The following CBLN4 variants were observed in gnomAD, a reference collection of about 807,000 sequenced individuals.
The protein encoded by CBLN4 is cerebellin 4 precursor.
Under a neutral mutation model 14.9 loss-of-function variants are expected in CBLN4, and 7 were observed. That is an observed-to-expected ratio of 0.47 (90% CI 0.27 to 0.88). The LOEUF (loss-of-function observed/expected upper bound fraction) is 0.88. CBLN4 is among the 40% of genes least tolerant of loss of function. CBLN4 has a pLI of 0.14. For synonymous variants in CBLN4, 131 were observed against 116.5 expected, an observed-to-expected ratio of 1.12 and a Z score of -0.80; for missense variants, 188 against 256.8, an observed-to-expected ratio of 0.73 and a Z score of 1.83.
At position 55,998,662 on chromosome 20, in the gene CBLN4, G is replaced by A; in HGVS notation, c.501C>T (p.Leu167=). The A allele has an allele frequency of 1.2e-6, 2 of 1,614,168 alleles. No individual in the cohort carries two copies. Among genetic ancestry groups the A allele is most frequent in the South Asian group, 1.1e-5 (1 of 91,078 alleles). The change falls in exon 3 of 3, where the codon CTC becomes CTT. Residue 167 remains leucine (L), a synonymous_variant. Transcript: ENST00000064571. ...TREAATNGVL[L]YLDKEDKVYL... is the part of the protein sequence containing the mutation. ...AAACCTTATCCTCTTTATCTAGGTA[G>A]AGCAGGACACCATTCGTGGCAGCTT... is the stretch of plus-strand genomic sequence containing the variant.
intron 1 of CBLN4, among the ~76,000 whole-genome samples, chr20:56,002,194 T>G (rs1477575881): frequency 6.6e-6 from 1 of 152,222 alleles, no homozygotes; most frequent in Non-Finnish European, 1.5e-5. Flanking sequence ...AGATTTCGCC[T>G]TCTTCCAAGT....
Position 56,001,561 on chromosome 20 carries a change from G to A in CBLN4, c.292-714C>T, listed in dbSNP as rs561666433. Among the ~76,000 whole-genome samples the A allele has an allele frequency of 1.3e-4, 20 of 152,072 alleles. No individual in the cohort carries two copies. The South Asian group carries it at 3.5e-3, about 27-fold the overall frequency. Reference sequence around the variant, plus strand: ...GCCTTAATTATAATAATGTGGCAATGAGTCAGCCCTTGTGGGCTGCCAAAG... The same window carrying A: ...GCCTTAATTATAATAATGTGGCAATAAGTCAGCCCTTGTGGGCTGCCAAAG... On this transcript the variant is annotated intron_variant, in intron 1 of 2. Transcript: ENST00000064571.
chr20:56,001,570 C>T (rs1384355616), intron 1 of CBLN4, among the ~76,000 whole-genome samples: 1 of 152,120 alleles, frequency 6.6e-6, no homozygotes, highest in Non-Finnish European at 1.5e-5. Flanking sequence ...TGAGTCAGCC[C>T]TTGTGGGCTG....
In CBLN4 at chr20:56,004,001, G is replaced by C; in HGVS notation, c.171C>G (p.Ser57=). The change falls in exon 1 of 3, where the codon TCC becomes TCG. Residue 57 remains serine, a synonymous_variant. Transcript: ENST00000064571. The surrounding 1 kb of genome is among the most constrained non-coding windows in gnomAD (Gnocchi z 6.1). ...CCCGGACCGATATCCCCAGCGGGGAGGAAGAGGAGCCCTTGGAGTCCGTGG... is the reference window on the plus strand; with the variant it reads ...CCCGGACCGATATCCCCAGCGGGGACGAAGAGGAGCCCTTGGAGTCCGTGG... The part of the protein sequence containing the change: ...NPATDSKGSS[S]SPLGISVRAA... 4 of 1,614,098 alleles carry C rather than the reference G, an allele frequency of 2.5e-6. No individual in the cohort carries two copies. Among genetic ancestry groups the C allele is most frequent in the Non-Finnish European group, 3.4e-6 (4 of 1,180,014 alleles).
In CBLN4 at chr20:56,004,210, T is replaced by C. The variant is rs1008361939; in HGVS notation, c.-39A>G. ...GGCAGCCGCAGCCGGCTGGCGCTGGTGCTCGCCCGCGTCGCCTCCTACCCC... is the reference window on the plus strand; with the variant it reads ...GGCAGCCGCAGCCGGCTGGCGCTGGCGCTCGCCCGCGTCGCCTCCTACCCC... On this transcript the variant is annotated 5_prime_UTR_variant, in exon 1 of 3. Coordinates refer to ENST00000064571, the MANE Select transcript of CBLN4 (RefSeq NM_080617.6). This position sits in a 1 kb window ranked among gnomAD's most constrained non-coding sequence, Gnocchi z 6.1. 7.3e-7 allele frequency: 1 copy of C among 1,375,960 alleles called. No homozygotes were observed. The highest frequency in any genetic ancestry group is 3.0e-5 in the East Asian group (1 of 33,832). The allele number at this position is 1,375,960 out of a possible 1,614,324, so 85.2% of individuals were successfully genotyped here.
chr20:56,001,246 T>A (rs368256578), intron 1 of CBLN4, among the ~76,000 whole-genome samples: 3 of 152,190 alleles, frequency 2.0e-5, no homozygotes, highest in African/African-American at 7.2e-5. Context: ...AGCTTTACCT[T>A]GAGAGTTGGA....
Position 56,004,682 on chromosome 20 carries a change from G to C in CBLN4, c.-511C>G, listed in dbSNP as rs1049006070. ...TGGCTTGCGGCAGGGACGAGTTACA[G>C]AGGCAGAAGGTCCTTCCCAGGCTGA... On this transcript the variant is annotated 5_prime_UTR_variant, in exon 1 of 3. Transcript: ENST00000064571. The surrounding 1 kb of genome is among the most constrained non-coding windows in gnomAD (Gnocchi z 6.1). 1 of 153,406 alleles carries C rather than the reference G, an allele frequency of 6.5e-6. No homozygotes were observed. Among genetic ancestry groups the C allele is most frequent in the African/African-American group, 2.4e-5 (1 of 41,522 alleles). The allele number at this position is 153,406 out of a possible 1,614,324, so 9.5% of individuals were successfully genotyped here.
intron 2 of CBLN4, among the ~76,000 whole-genome samples, chr20:56,000,087 T>C (rs900150482): frequency 6.6e-6 from 1 of 152,242 alleles, no homozygotes; most frequent in Admixed American, 6.5e-5. Context: ...TGGAATATTG[T>C]TGGAACAAGC....
intron 1 of CBLN4, among the ~76,000 whole-genome samples, chr20:56,001,559 A>G (rs949396083): frequency 6.6e-6 from 1 of 152,168 alleles, no homozygotes; most frequent in Non-Finnish European, 1.5e-5. Flanking sequence ...TAATGTGGCA[A>G]TGAGTCAGCC....
Position 55,998,496 on chromosome 20 carries a change from T to C in CBLN4, c.*61A>G. 6.4e-7 allele frequency: 1 copy of C among 1,573,454 alleles called. No individual in the cohort carries two copies. The highest frequency in any genetic ancestry group is 8.7e-7 in the Non-Finnish European group (1 of 1,148,764). On this transcript the variant is annotated 3_prime_UTR_variant, in exon 3 of 3. Coordinates refer to ENST00000064571, the MANE Select transcript of CBLN4 (RefSeq NM_080617.6). ...TCAATCCAATGATGAAAAAATGATC[T>C]TCCAATAACTCAGGAGTGGGTCATC... is the stretch of plus-strand genomic sequence containing the variant.
rs1008361939 is a variant in CBLN4, at chr20:56,004,210, T to A, written c.-39A>T. 1 of 1,375,846 alleles carries A rather than the reference T, an allele frequency of 7.3e-7. No homozygotes were observed. Among genetic ancestry groups the A allele is most frequent in the Non-Finnish European group, 9.3e-7 (1 of 1,072,298 alleles). 85.2% of individuals were successfully genotyped at this position (1,375,846 alleles called of 1,614,324 possible). A position where few individuals can be genotyped will look rare whatever the true frequency, so the allele number is the denominator to read the frequency against. On this transcript the variant is annotated 5_prime_UTR_variant, in exon 1 of 3. Coordinates refer to ENST00000064571, the MANE Select transcript of CBLN4 (RefSeq NM_080617.6). This position sits in a 1 kb window ranked among gnomAD's most constrained non-coding sequence, Gnocchi z 6.1. ...GGCAGCCGCAGCCGGCTGGCGCTGG[T>A]GCTCGCCCGCGTCGCCTCCTACCCC...
In CBLN4 at chr20:56,000,800, T is replaced by C. The variant is rs756917572; in HGVS notation, c.339A>G (p.Val113=). The C allele has an allele frequency of 1.9e-6, 3 of 1,599,180 alleles. No individual in the cohort carries two copies. The change falls in exon 2 of 3, where the codon GTA becomes GTG. Residue 113 remains valine (V), a synonymous_variant. Transcript: ENST00000064571. ...AACTGTAAATTCCTTTTCTTGGTGC[T>C]ACAAAGACAGACTCCAATGTGAAAA... ...GNFFTLESVF[V]APRKGIYSFS...
Position 56,004,388 on chromosome 20 carries a change from A to G in CBLN4, c.-217T>C. On this transcript the variant is annotated 5_prime_UTR_variant, in exon 1 of 3. Coordinates refer to ENST00000064571, the MANE Select transcript of CBLN4 (RefSeq NM_080617.6). The surrounding 1 kb of genome is among the most constrained non-coding windows in gnomAD (Gnocchi z 6.1). ...GCTGGCTCTGTTACCTTTGTCCTTTAAGGAGCTCATGCAGCACCCTTTACC... is the reference window on the plus strand; with the variant it reads ...GCTGGCTCTGTTACCTTTGTCCTTTGAGGAGCTCATGCAGCACCCTTTACC... 2.0e-6 allele frequency: 1 copy of G among 499,630 alleles called. No individual in the cohort carries two copies. The allele number at this position is 499,630 out of a possible 1,614,324, so 30.9% of individuals were successfully genotyped here.
chr20:56,004,002 G>A lies in CBLN4; in HGVS notation c.170C>T (p.Ser57Phe). The A allele has an allele frequency of 6.2e-7, 1 of 1,614,096 alleles. No homozygotes were observed. The highest frequency in any genetic ancestry group is 8.5e-7 in the Non-Finnish European group (1 of 1,180,010). ...CCGGACCGATATCCCCAGCGGGGAG[G>A]AAGAGGAGCCCTTGGAGTCCGTGGC... ...NPATDSKGSS[S>F]SPLGISVRAA... Residue 57 changes from serine (S) to phenylalanine (F), a missense_variant, in exon 1 of 3, where the codon TCC (serine) becomes TTC (phenylalanine). This residue lies in a region of CBLN4 where 95 missense variants were observed against 99.2 expected (regional missense o/e 0.96). Transcript: ENST00000064571. The surrounding 1 kb of genome is among the most constrained non-coding windows in gnomAD (Gnocchi z 6.1).
Position 55,998,658 on chromosome 20 carries a change from G to A in CBLN4, c.505C>T (p.Leu169=). ...AGGTAAACCTTATCCTCTTTATCTA[G>A]GTAGAGCAGGACACCATTCGTGGCA... is the stretch of plus-strand genomic sequence containing the variant. ...EAATNGVLLY[L]DKEDKVYLKL... The change falls in exon 3 of 3, where the codon CTA becomes TTA. Residue 169 remains leucine, a synonymous_variant. Transcript: ENST00000064571. 3 of 1,614,114 alleles carry A rather than the reference G, an allele frequency of 1.9e-6. No homozygotes were observed. The highest frequency in any genetic ancestry group is 1.6e-4 in the Middle Eastern group (1 of 6,062).
In CBLN4 at chr20:56,004,079, C is replaced by G; in HGVS notation, c.93G>C (p.Thr31=). 1 of 1,613,178 alleles carries G rather than the reference C, an allele frequency of 6.2e-7. No individual in the cohort carries two copies. The highest frequency in any genetic ancestry group is 8.5e-7 in the Non-Finnish European group (1 of 1,179,796). The change falls in exon 1 of 3, where the codon ACG becomes ACC. Residue 31 remains threonine (T), a synonymous_variant. Transcript: ENST00000064571. This position sits in a 1 kb window ranked among gnomAD's most constrained non-coding sequence, Gnocchi z 6.1. The part of the protein sequence containing the change: ...PGLPVWAQND[T]EPIVLEGKCL... ...ACTTGCCCTCCAGCACGATGGGCTCCGTGTCGTTCTGTGCCCAGACGGGCA... is the reference window on the plus strand; with the variant it reads ...ACTTGCCCTCCAGCACGATGGGCTCGGTGTCGTTCTGTGCCCAGACGGGCA...
chr20:55,998,559 A>G lies in CBLN4; in HGVS notation c.604T>C (p.Ter202GlnextTer6). The stretch of plus-strand genomic sequence containing the variant: ...GAACATCATGGAGAAATTGAATCCT[A>G]TAGGGGGAACACCAGAAAGCCAGAA... ...TFSGFLVFPL[*>Q] Residue 202 changes from the stop codon to glutamine (Q), a stop_lost, in exon 3 of 3, where the codon TAG (stop) becomes CAG (glutamine). Transcript: ENST00000064571. 6.2e-7 allele frequency: 1 copy of G among 1,614,030 alleles called. No homozygotes were observed. Among genetic ancestry groups the G allele is most frequent in the Non-Finnish European group, 8.5e-7 (1 of 1,179,926 alleles).
intron 1 of CBLN4, among the ~76,000 whole-genome samples, chr20:56,003,364 C>T (rs369504164): frequency 3.9e-5 from 6 of 152,262 alleles, no homozygotes; most frequent in African/African-American, 1.4e-4. Context: ...CCCCCGCCCT[C>T]CGCGGCCACC....
intron 1 of CBLN4, among the ~76,000 whole-genome samples, chr20:56,003,659 G>A (rs1260628057): frequency 1.3e-5 from 2 of 152,194 alleles, no homozygotes; most frequent in Non-Finnish European, 2.9e-5. Flanking sequence ...CGCCGCCGCA[G>A]CAGCCTCTTT....
Sources: gnomAD v4.1 joint callset for allele counts (sites outside exome capture counted in the v4.1 genomes callset) on GRCh38, gnomAD v4.1.1 for gene constraint, gnomAD v4.1.1 regional missense constraint, Gnocchi (gnomAD v3.1) non-coding constraint, MANE v1.5 for transcripts, NCBI Gene and HGNC (gene_info 2026-07-23, HGNC 2026-07-21) for gene names.